The following IL34 variants were observed in gnomAD, a reference collection of about 807,000 sequenced individuals.
IL34 encodes interleukin-34.
Under a neutral mutation model 25.3 loss-of-function variants are expected in IL34, and 17 were observed. The observed-to-expected ratio is 0.67, with a 90% CI of 0.46 to 1.01. The LOEUF (loss-of-function observed/expected upper bound fraction) is 1.01, where lower values mean the gene tolerates loss of function less well. IL34 is among the 50% of genes least tolerant of loss of function. The pLI, the probability that IL34 is intolerant of heterozygous loss-of-function variation, is 0.00. For missense variants in IL34, 368 were observed against 312.9 expected (o/e 1.18, Z -1.33); for synonymous variants, 174 against 140.9 (o/e 1.23, Z -1.66).
chr16:70,590,998 G>A (rs985189639), intron 1 of IL34, among the ~76,000 whole-genome samples: 3 of 152,106 alleles, frequency 2.0e-5, no homozygotes, highest in African/African-American at 7.2e-5. Flanking sequence ...AGTCAGACCC[G>A]GCCCCGGCCC....
chr16:70,620,274 C>T (rs12933792), intron 1 of IL34, among the ~76,000 whole-genome samples: 58,707 of 150,972 alleles, frequency 0.39, 12,063 homozygotes, highest in South Asian at 0.62. Context: ...GATTTTTATA[C>T]TTGATGAAAA....
At chr16:70,604,028 G>T (rs1252732484) in intron 1 of IL34, among the ~76,000 whole-genome samples, 1 of 152,220 alleles carries the variant, frequency 6.6e-6, no homozygotes, top group Non-Finnish European at 1.5e-5. Context: ...AAGCTCTGAG[G>T]TGCCTGGAAT....
chr16:70,583,639 C>T (rs2050659563), intron 1 of IL34, among the ~76,000 whole-genome samples: 1 of 151,620 alleles, frequency 6.6e-6, no homozygotes. Flanking sequence ...TGGTCCCAGC[C>T]CCACCACCAG....
intron 1 of IL34, among the ~76,000 whole-genome samples, chr16:70,608,782 T>C (rs2051048827): frequency 6.6e-6 from 1 of 152,178 alleles, no homozygotes; most frequent in Non-Finnish European, 1.5e-5. Flanking sequence ...GGGCTCATCA[T>C]GGGTTCAGTG....
In IL34 at chr16:70,660,315, T is replaced by A; in HGVS notation, c.*128T>A. ...GAGAGGACCCCTGGGAAGGGTGTTTTTCCTTTGAGGGGGATTCTGTGCCAC... is the reference window on the plus strand; with the variant it reads ...GAGAGGACCCCTGGGAAGGGTGTTTATCCTTTGAGGGGGATTCTGTGCCAC... On this transcript the variant is annotated 3_prime_UTR_variant, in exon 6 of 6. Coordinates refer to ENST00000288098, the MANE Select transcript of IL34 (RefSeq NM_001393494.1). The A allele has an allele frequency of 1.2e-6, 1 of 838,264 alleles. No homozygotes were observed. The allele number at this position is 838,264 out of a possible 1,614,324, so 51.9% of individuals were successfully genotyped here.
chr16:70,657,348 C>T lies in IL34; in HGVS notation c.402+227C>T. Reference sequence around the variant, plus strand: ...AGCCGGGCTCGGGGTGCAGGCGATGCCTCTGAGACTCTGTTCTAGGCTCTG... The same window carrying T: ...AGCCGGGCTCGGGGTGCAGGCGATGTCTCTGAGACTCTGTTCTAGGCTCTG... On this transcript the variant is annotated intron_variant, in intron 4 of 5. Coordinates refer to ENST00000288098, the MANE Select transcript of IL34 (RefSeq NM_001393494.1). 3 of 547,618 alleles carry T rather than the reference C, an allele frequency of 5.5e-6. No individual in the cohort carries two copies. In the South Asian group the frequency reaches 6.5e-5, roughly 12 times the overall value. 33.9% of individuals were successfully genotyped at this position (547,618 alleles called of 1,614,324 possible). A position where few individuals can be genotyped will look rare whatever the true frequency, so the allele number is the denominator to read the frequency against.
At chr16:70,604,073 T>C (rs1441875221) in intron 1 of IL34, among the ~76,000 whole-genome samples, 2 of 152,162 alleles carry the variant, frequency 1.3e-5, no homozygotes, top group Non-Finnish European at 2.9e-5. Flanking sequence ...AGGAGAAATA[T>C]GTGAAACTAT....
intron 1 of IL34, among the ~76,000 whole-genome samples, chr16:70,652,107 G>A (rs1471808414): frequency 6.6e-6 from 1 of 150,466 alleles, no homozygotes; most frequent in Admixed American, 6.7e-5. Flanking sequence ...CAGCCTGGGT[G>A]ACAGAGCGGG....
At chr16:70,598,433 A>G (rs2050857185) in intron 1 of IL34, among the ~76,000 whole-genome samples, 1 of 152,012 alleles carries the variant, frequency 6.6e-6, no homozygotes, top group Non-Finnish European at 1.5e-5. Context: ...TCTGTCAACT[A>G]AAGAAAAAAA....
At chr16:70,639,429 C>T (rs898284492) in intron 1 of IL34, among the ~76,000 whole-genome samples, 1 of 152,162 alleles carries the variant, frequency 6.6e-6, no homozygotes, top group Non-Finnish European at 1.5e-5. Context: ...ACTGCCTCTG[C>T]TTGCCTCATG....
intron 1 of IL34, among the ~76,000 whole-genome samples, chr16:70,625,028 T>G (rs111470723): frequency 0.029 from 4,385 of 152,180 alleles, 154 homozygotes; most frequent in African/African-American, 0.078. Context: ...TTTGTCTATT[T>G]TACAGCAAGA....
chr16:70,658,426 C>G (rs1567468990), intron 4 of IL34, among the ~76,000 whole-genome samples: 2 of 152,122 alleles, frequency 1.3e-5, no homozygotes, highest in South Asian at 2.1e-4. Flanking sequence ...TCTGCCTCAG[C>G]CTCCCAAAGT....
At chr16:70,631,099 A>C (rs893250836) in intron 1 of IL34, among the ~76,000 whole-genome samples, 1 of 152,270 alleles carries the variant, frequency 6.6e-6, no homozygotes, top group East Asian at 1.9e-4. Context: ...CCATGGACGC[A>C]GAAGACTGAC....
intron 1 of IL34, among the ~76,000 whole-genome samples, chr16:70,633,161 CG>C (rs1434984380): frequency 6.6e-6 from 1 of 150,574 alleles, no homozygotes; most frequent in Non-Finnish European, 1.5e-5. Context: ...GACAGGGTTT[CG>C]CCATGTTGCC....
rs970856219 is a variant in IL34, at chr16:70,648,137, G to A, written c.28+1162G>A. Among the ~76,000 whole-genome samples, 3 of 152,212 alleles carry A rather than the reference G, an allele frequency of 2.0e-5. No homozygotes were observed. In the East Asian group the frequency reaches 5.8e-4, roughly 29 times the overall value. On this transcript the variant is annotated intron_variant, in intron 1 of 5. Coordinates refer to ENST00000288098, the MANE Select transcript of IL34 (RefSeq NM_001393494.1). The stretch of plus-strand genomic sequence containing the variant: ...CCTGGAGGATTTGAGAGCCCGGCGG[G>A]GGTGGAATCGTGATTGGGAGTTCCT...
chr16:70,586,954 C>A (rs750497929), intron 1 of IL34, among the ~76,000 whole-genome samples: 14 of 152,192 alleles, frequency 9.2e-5, no homozygotes, highest in African/African-American at 3.4e-4. Flanking sequence ...GCAAGATAAT[C>A]CAAGATGTTG....
intron 1 of IL34, among the ~76,000 whole-genome samples, chr16:70,602,280 A>G (rs747981936): frequency 1.1e-3 from 167 of 152,202 alleles, no homozygotes; most frequent in Non-Finnish European, 3.7e-4. Context: ...TGACAGCAAG[A>G]GCAATCTAGA....
intron 1 of IL34, among the ~76,000 whole-genome samples, chr16:70,616,684 C>A (rs868192332): frequency 2.6e-4 from 40 of 152,110 alleles, no homozygotes; most frequent in African/African-American, 8.9e-4. Context: ...GGATCTCACA[C>A]AGTACATTCT....
At chr16:70,626,308 A>G (rs1375778013) in intron 1 of IL34, among the ~76,000 whole-genome samples, 1 of 152,162 alleles carries the variant, frequency 6.6e-6, no homozygotes, top group African/African-American at 2.4e-5. Flanking sequence ...AGTCAAATTT[A>G]TCAGTCTTTT....
Sources: allele counts gnomAD v4.1 joint callset (sites outside exome capture counted in the v4.1 genomes callset), GRCh38; gene constraint gnomAD v4.1.1; transcripts MANE v1.5; gene names NCBI Gene and HGNC (gene_info 2026-07-23, HGNC 2026-07-21).